SKAP1: variants seen among roughly 807,000 people sequenced by gnomAD.
SKAP1 encodes the protein src kinase associated phosphoprotein 1.
SKAP1 carries 44 observed loss-of-function variants against 58.5 expected under a neutral mutation model. The ratio of observed to expected loss-of-function variants is 0.75; its 90% confidence interval spans 0.59 to 0.97. The LOEUF (loss-of-function observed/expected upper bound fraction) is 0.97, where lower values mean the gene tolerates loss of function less well. Among genes scored for constraint, SKAP1 ranks in the 50% least tolerant of loss-of-function variants. SKAP1 has a pLI of 0.00. For missense variants in SKAP1, 390 were observed against 435.2 expected, an observed-to-expected ratio of 0.90 and a Z score of 0.92; for synonymous variants, 127 against 149.7, an observed-to-expected ratio of 0.85 and a Z score of 1.11.
intron 4 of SKAP1, among the ~76,000 whole-genome samples, chr17:48,250,511 G>A (rs1019310312): frequency 1.3e-5 from 2 of 151,702 alleles, no homozygotes; most frequent in Admixed American, 1.3e-4. Context: ...TCAAACTCCT[G>A]ACCTTGTGAT....
chr17:48,392,849 C>T (rs1598648690), intron 2 of SKAP1, among the ~76,000 whole-genome samples: 2 of 147,202 alleles, frequency 1.4e-5, no homozygotes, highest in Middle Eastern at 3.4e-3. Flanking sequence ...AACAGAGACT[C>T]GGTCTCAAAA....
At chr17:48,157,122 T>G (rs2063987962) in intron 11 of SKAP1, among the ~76,000 whole-genome samples, 1 of 152,200 alleles carries the variant, frequency 6.6e-6, no homozygotes, top group Non-Finnish European at 1.5e-5. Flanking sequence ...AACTGAAGAT[T>G]ATCAGGATTA....
At chr17:48,395,840 G>C (rs1473350959) in intron 2 of SKAP1, among the ~76,000 whole-genome samples, 1 of 152,168 alleles carries the variant, frequency 6.6e-6, no homozygotes, top group Non-Finnish European at 1.5e-5. Flanking sequence ...CCCTTCCGAA[G>C]GATAAAATTC....
At chr17:48,312,292 C>T (rs1459584196) in intron 4 of SKAP1, among the ~76,000 whole-genome samples, 1 of 152,134 alleles carries the variant, frequency 6.6e-6, no homozygotes, top group Non-Finnish European at 1.5e-5. Flanking sequence ...TGAAAAAAAA[C>T]TTTTAATATC....
intron 4 of SKAP1, among the ~76,000 whole-genome samples, chr17:48,220,659 C>A (rs1173963810): frequency 6.6e-6 from 1 of 150,638 alleles, no homozygotes; most frequent in Non-Finnish European, 1.5e-5. Context: ...GAGTTTGAGA[C>A]CAGCATGGCC....
chr17:48,197,291 C>A (rs2064649097), intron 4 of SKAP1, among the ~76,000 whole-genome samples: 1 of 150,106 alleles, frequency 6.7e-6, no homozygotes, highest in Admixed American at 6.6e-5. Flanking sequence ...TGATTGGTCA[C>A]CAAGGTTCGT....
At chr17:48,182,053 T>G (rs894798956) in intron 8 of SKAP1, among the ~76,000 whole-genome samples, 1 of 152,186 alleles carries the variant, frequency 6.6e-6, no homozygotes. Flanking sequence ...TTAAGTTGGA[T>G]ATTATGAATT....
intron 10 of SKAP1, chr17:48,162,797 C>T (rs1041730049): frequency 1.2e-5 from 4 of 335,258 alleles, no homozygotes; most frequent in Non-Finnish European, 1.6e-5. Flanking sequence ...AGTAGGATGC[C>T]GTTCAACAAT....
At chr17:48,136,176 CTT>C (rs371757135) in intron 12 of SKAP1, among the ~76,000 whole-genome samples, 1 of 127,234 alleles carries the variant, frequency 7.9e-6, no homozygotes, top group African/African-American at 2.7e-5. Context: ...TTTTCTCTCT[CTT>C]TTTTTTTTTT....
rs147459976 is a variant in SKAP1, at chr17:48,228,601, A to T, written c.281-39101T>A. On this transcript the variant is annotated intron_variant, in intron 4 of 12. Coordinates refer to ENST00000336915, the MANE Select transcript of SKAP1 (RefSeq NM_003726.4). ...GGTGAGCATTTATTAGACTCCACTT[A>T]TGTATCAGTTGCTGTTCTAAGTGCT... Among the ~76,000 whole-genome samples the T allele has an allele frequency of 3.0e-3, 461 of 152,358 alleles. 2 individuals are homozygous for T. The highest frequency in any genetic ancestry group is 0.011 in the African/African-American group (449 of 41,574).
chr17:48,350,285 C>G (rs567365667), intron 3 of SKAP1, among the ~76,000 whole-genome samples: 1 of 152,004 alleles, frequency 6.6e-6, no homozygotes, highest in Non-Finnish European at 1.5e-5. Flanking sequence ...TGTAAAGTCT[C>G]GATTTTTTTT....
intron 3 of SKAP1, among the ~76,000 whole-genome samples, chr17:48,353,897 C>CAAAA (rs200738005): frequency 1.6e-5 from 1 of 60,802 alleles, no homozygotes; most frequent in Admixed American, 1.9e-4. Context: ...GACTCTGTCT[C>CAAAA]AAAAAAAAAA....
chr17:48,163,148 C>A (rs2064092177), intron 10 of SKAP1, among the ~76,000 whole-genome samples: 1 of 152,148 alleles, frequency 6.6e-6, no homozygotes, highest in African/African-American at 2.4e-5. Flanking sequence ...TTAAGTGGAA[C>A]CAAGGGGGTG....
intron 4 of SKAP1, among the ~76,000 whole-genome samples, chr17:48,207,485 CA>C (rs11367185): frequency 0.57 from 58,922 of 103,498 alleles, 12,952 homozygotes; most frequent in East Asian, 0.72. Flanking sequence ...GACTCTGTCT[CA>C]AAAAAAAAAA....
chr17:48,336,116 T>C (rs2066565554), intron 4 of SKAP1, among the ~76,000 whole-genome samples: 1 of 152,150 alleles, frequency 6.6e-6, no homozygotes, highest in South Asian at 2.1e-4. Flanking sequence ...TTTCAAGGTC[T>C]ATAAAACCCT....
intron 4 of SKAP1, among the ~76,000 whole-genome samples, chr17:48,264,103 C>A (rs1440781031): frequency 6.6e-6 from 1 of 150,662 alleles, no homozygotes; most frequent in East Asian, 1.9e-4. Flanking sequence ...TACAATTAGG[C>A]AAGATTATAT....
chr17:48,403,663 T>A (rs1385881925), intron 1 of SKAP1, among the ~76,000 whole-genome samples: 1 of 152,098 alleles, frequency 6.6e-6, no homozygotes, highest in Non-Finnish European at 1.5e-5. Context: ...AAAAATGGTG[T>A]GCTCTAAGAA....
chr17:48,278,542 G>A (rs1319062264), intron 4 of SKAP1, among the ~76,000 whole-genome samples: 1 of 152,162 alleles, frequency 6.6e-6, no homozygotes, highest in Admixed American at 6.5e-5. Flanking sequence ...CTAATGCTAA[G>A]GATAGCAAAA....
chr17:48,395,504 T>TA (rs1291987302), intron 2 of SKAP1, among the ~76,000 whole-genome samples: 5 of 151,858 alleles, frequency 3.3e-5, no homozygotes, highest in Admixed American at 6.6e-5. Context: ...CTTGTGAAAT[T>TA]AAAAAAAACT....
Sources: allele counts gnomAD v4.1 joint callset (sites outside exome capture counted in the v4.1 genomes callset), GRCh38; gene constraint gnomAD v4.1.1; transcripts MANE v1.5; gene names NCBI Gene and HGNC (gene_info 2026-07-23, HGNC 2026-07-21).